Variants in CMSS1 observed in about 807,000 individuals in gnomAD.
The protein encoded by CMSS1 is cms1 ribosomal small subunit homolog.
Under a neutral mutation model 43.5 loss-of-function variants are expected in CMSS1, and 33 were observed. That is an observed-to-expected ratio of 0.76 (90% CI 0.57 to 1.01). The LOEUF (loss-of-function observed/expected upper bound fraction) is 1.01, where lower values mean the gene tolerates loss of function less well. Ranked by LOEUF, CMSS1 falls within the 50% of genes least tolerant of loss-of-function variation. The probability of loss-of-function intolerance (pLI) is 0.00; values close to 1 mark genes in which losing one functional copy is unlikely to be tolerated. For synonymous variants in CMSS1, 115 were observed against 117.2 expected, an observed-to-expected ratio of 0.98 and a Z score of 0.12; for missense variants, 313 against 326.4, an observed-to-expected ratio of 0.96 and a Z score of 0.32.
chr3:100,067,078 G>A (rs1227909726), intron 1 of CMSS1, among the ~76,000 whole-genome samples: 1 of 152,194 alleles, frequency 6.6e-6, no homozygotes, highest in East Asian at 1.9e-4. Flanking sequence ...AACTGTCACA[G>A]GGCCACTGAG....
At chr3:99,930,102 G>A (rs1707430131) in intron 1 of CMSS1, 1 of 1,244,324 alleles carries the variant, frequency 8.0e-7, no homozygotes, top group Non-Finnish European at 1.1e-6. Flanking sequence ...TTTTGTGATA[G>A]TTGGCAGTGC....
At chr3:99,925,830 G>C (rs2107656171) in intron 1 of CMSS1, 1 of 985,318 alleles carries the variant, frequency 1.0e-6, no homozygotes, top group South Asian at 4.7e-5. Flanking sequence ...ATCACAGTCA[G>C]ATGGAGTTAG....
At chr3:99,958,778 G>C (rs1233404552) in intron 1 of CMSS1, among the ~76,000 whole-genome samples, 1 of 152,162 alleles carries the variant, frequency 6.6e-6, no homozygotes, top group African/African-American at 2.4e-5. Flanking sequence ...GGAGAGGCTG[G>C]TGATGTAGTG....
At chr3:100,118,726 C>G (rs945381633) in intron 1 of CMSS1, among the ~76,000 whole-genome samples, 6 of 152,150 alleles carry the variant, frequency 3.9e-5, no homozygotes, top group African/African-American at 1.4e-4. Flanking sequence ...GACAGAAACT[C>G]TTCCCCTTTC....
At chr3:100,143,862 G>A (rs934353581) in intron 1 of CMSS1, among the ~76,000 whole-genome samples, 3 of 151,878 alleles carry the variant, frequency 2.0e-5, no homozygotes, top group Non-Finnish European at 2.9e-5. Flanking sequence ...CACTTTCCCT[G>A]AAATTAATAT....
intron 1 of CMSS1, among the ~76,000 whole-genome samples, chr3:99,951,000 T>G (rs1427188076): frequency 3.9e-5 from 6 of 152,228 alleles, no homozygotes; most frequent in African/African-American, 1.2e-4. Context: ...ATCCAAGCCC[T>G]GCTTGGTTTG....
intron 8 of CMSS1, among the ~76,000 whole-genome samples, chr3:100,174,866 G>A (rs571349448): frequency 2.0e-5 from 3 of 152,250 alleles, no homozygotes; most frequent in Middle Eastern, 3.4e-3. Context: ...ATGCAAAAAT[G>A]TACAGAGAAG....
intron 1 of CMSS1, among the ~76,000 whole-genome samples, chr3:100,049,966 T>C (rs2107314933): frequency 6.6e-6 from 1 of 152,266 alleles, no homozygotes; most frequent in South Asian, 2.1e-4. Flanking sequence ...GACCCTAACT[T>C]CTGAGTTGTT....
intron 1 of CMSS1, among the ~76,000 whole-genome samples, chr3:100,048,028 G>C (rs369702122): frequency 3.2e-4 from 48 of 152,242 alleles, no homozygotes; most frequent in African/African-American, 1.2e-3. Flanking sequence ...GAAAGTGAAA[G>C]GGTTTAAATT....
chr3:99,934,969 C>T (rs1707614189), intron 1 of CMSS1, among the ~76,000 whole-genome samples: 1 of 152,096 alleles, frequency 6.6e-6, no homozygotes, highest in Non-Finnish European at 1.5e-5. Context: ...TGAACAGACC[C>T]ATCATATGCA....
chr3:99,934,003 G>T (rs1318390189), intron 1 of CMSS1, among the ~76,000 whole-genome samples: 2 of 152,176 alleles, frequency 1.3e-5, no homozygotes, highest in African/African-American at 4.8e-5. Context: ...TCTAAGACGG[G>T]CTCTCACGTA....
chr3:100,082,697 T>C (rs1428636141), intron 1 of CMSS1, among the ~76,000 whole-genome samples: 1 of 152,230 alleles, frequency 6.6e-6, no homozygotes, highest in Non-Finnish European at 1.5e-5. Flanking sequence ...CCTTTATAGA[T>C]GCCACACAAA....
At chr3:99,818,074 G>A (rs1339064529) in intron 1 of CMSS1, 31 bp downstream of exon 1, 1 of 1,605,826 alleles carries the variant, frequency 6.2e-7, no homozygotes, top group Non-Finnish European at 8.5e-7. Flanking sequence ...CTCCTACGGG[G>A]CCTCTCCCGG....
chr3:100,047,117 T>G (rs1038910729), intron 1 of CMSS1, among the ~76,000 whole-genome samples: 1 of 152,190 alleles, frequency 6.6e-6, no homozygotes, highest in Non-Finnish European at 1.5e-5. Context: ...TAACCTAAAT[T>G]TCCTTGTTGG....
Position 100,115,231 on chromosome 3 carries a change from G to C in CMSS1, c.65-31742G>C, listed in dbSNP as rs145354113. ...ACCAGACATGCCTACCACCTGCCCA[G>C]TGCTCAAGTCATGCATTATCTAATT... On this transcript the variant is annotated intron_variant, in intron 1 of 9. Coordinates refer to ENST00000421999, the MANE Select transcript of CMSS1 (RefSeq NM_032359.4). Among the ~76,000 whole-genome samples the C allele has an allele frequency of 2.8e-3, 432 of 152,198 alleles. 3 individuals are homozygous for C. Among genetic ancestry groups the C allele is most frequent in the African/African-American group, 9.8e-3 (407 of 41,516 alleles).
chr3:99,893,457 G>A (rs1284805890), intron 1 of CMSS1, among the ~76,000 whole-genome samples: 1 of 151,988 alleles, frequency 6.6e-6, no homozygotes. Flanking sequence ...GAGCCACCTC[G>A]CCCAGCCGGC....
At chr3:99,973,470 A>G (rs1708881254) in intron 1 of CMSS1, among the ~76,000 whole-genome samples, 1 of 152,206 alleles carries the variant, frequency 6.6e-6, no homozygotes, top group South Asian at 2.1e-4. Context: ...AGTTATAAAT[A>G]CATATGAAAA....
intron 1 of CMSS1, among the ~76,000 whole-genome samples, chr3:100,072,347 C>A (rs1160172423): frequency 6.6e-6 from 1 of 152,194 alleles, no homozygotes; most frequent in Non-Finnish European, 1.5e-5. Context: ...CAAATCTGGG[C>A]TCAAACTTGA....
At chr3:100,018,873 T>TA (rs1228406972) in intron 1 of CMSS1, among the ~76,000 whole-genome samples, 1 of 151,914 alleles carries the variant, frequency 6.6e-6, no homozygotes, top group Non-Finnish European at 1.5e-5. Context: ...ATAAGCTCAT[T>TA]AAAAAATTGT....
Sources: allele counts gnomAD v4.1 joint callset (sites outside exome capture counted in the v4.1 genomes callset), GRCh38; gene constraint gnomAD v4.1.1; transcripts MANE v1.5; gene names NCBI Gene and HGNC (gene_info 2026-07-23, HGNC 2026-07-21).